Variants in CYP2C19 observed in about 807,000 individuals in gnomAD.
CYP2C19 encodes the protein cytochrome P450 family 2 subfamily C member 19, also known as cytochrome P450 2C19.
CYP2C19 carries 59 observed loss-of-function variants against 40.9 expected under a neutral mutation model. That is an observed-to-expected ratio of 1.44 (90% confidence interval 1.17 to 1.79). CYP2C19 has a LOEUF of 1.79. Among genes scored for constraint, CYP2C19 ranks in the 40% most tolerant of loss-of-function variants. The probability of loss-of-function intolerance (pLI) is 0.00; values close to 1 mark genes in which losing one functional copy is unlikely to be tolerated. For missense variants in CYP2C19, 754 were observed against 596.9 expected (o/e 1.26, Z -2.74); for synonymous variants, 253 against 208.7 (o/e 1.21, Z -1.83).
At chr10:94,766,873 C>G (rs1848252527) in intron 1 of CYP2C19, among the ~76,000 whole-genome samples, 1 of 151,914 alleles carries the variant, frequency 6.6e-6, no homozygotes, top group South Asian at 2.1e-4. Flanking sequence ...GAGAGGATTA[C>G]CGAGTATGGT....
chr10:94,774,947 G>T, intron 1 of CYP2C19, 111 bp from the exon 2 acceptor site: 1 of 1,147,772 alleles, frequency 8.7e-7, no homozygotes, highest in Admixed American at 2.5e-5. Context: ...ATTTGAGCCT[G>T]TGTGACTGAA....
intron 6 of CYP2C19, among the ~76,000 whole-genome samples, chr10:94,827,741 T>C (rs1849253659): frequency 6.6e-6 from 1 of 152,216 alleles, no homozygotes; most frequent in African/African-American, 2.4e-5. Context: ...TTCTAGTTCT[T>C]TTAATTGTGA....
intron 1 of CYP2C19, among the ~76,000 whole-genome samples, chr10:94,770,054 T>G (rs569694302): frequency 5.3e-5 from 8 of 152,264 alleles, no homozygotes; most frequent in African/African-American, 1.9e-4. Flanking sequence ...TAACGGACCT[T>G]GAGGACCGTC....
intron 7 of CYP2C19, among the ~76,000 whole-genome samples, chr10:94,845,952 T>G (rs193013724): frequency 6.6e-6 from 1 of 152,126 alleles, no homozygotes. Context: ...TCTATCCATC[T>G]ATCTAGACCT....
At chr10:94,820,193 C>A (rs1346250503) in intron 5 of CYP2C19, among the ~76,000 whole-genome samples, 1 of 151,908 alleles carries the variant, frequency 6.6e-6, no homozygotes, top group Admixed American at 6.6e-5. Flanking sequence ...TTCAACAACC[C>A]TTCATGCTAA....
chr10:94,838,119 A>G (rs1383217440), intron 6 of CYP2C19, among the ~76,000 whole-genome samples: 5 of 152,084 alleles, frequency 3.3e-5, no homozygotes, highest in Non-Finnish European at 7.4e-5. Context: ...GTTATAGTGG[A>G]CATCATTGAA....
intron 5 of CYP2C19, among the ~76,000 whole-genome samples, chr10:94,793,535 T>A (rs1848640041): frequency 6.6e-6 from 1 of 152,136 alleles, no homozygotes; most frequent in African/African-American, 2.4e-5. Flanking sequence ...CAGATGGTGT[T>A]TTGGTCTGGG....
chr10:94,828,117 G>A (rs1285147115), intron 6 of CYP2C19, among the ~76,000 whole-genome samples: 2 of 152,112 alleles, frequency 1.3e-5, no homozygotes, highest in Non-Finnish European at 2.9e-5. Flanking sequence ...GTGTGGTGTG[G>A]TGCTGAAAAA....
intron 6 of CYP2C19, among the ~76,000 whole-genome samples, chr10:94,829,842 G>A (rs1383295954): frequency 2.0e-5 from 3 of 151,772 alleles, no homozygotes; most frequent in African/African-American, 7.3e-5. Flanking sequence ...TGGTGTGGAT[G>A]TCCTTTCTGT....
chr10:94,829,791 T>A (rs919874965), intron 6 of CYP2C19, among the ~76,000 whole-genome samples: 53 of 151,592 alleles, frequency 3.5e-4, no homozygotes, highest in African/African-American at 1.3e-3. Context: ...TGGTTTTATC[T>A]ACTTTTGGTC....
intron 1 of CYP2C19, among the ~76,000 whole-genome samples, chr10:94,764,685 G>C (rs1848217148): frequency 6.6e-6 from 1 of 152,116 alleles, no homozygotes; most frequent in South Asian, 2.1e-4. Context: ...GGTCAGTCCA[G>C]GTGTCCTTGG....
intron 6 of CYP2C19, among the ~76,000 whole-genome samples, chr10:94,841,617 G>A (rs1036337761): frequency 6.6e-6 from 1 of 152,170 alleles, no homozygotes; most frequent in Admixed American, 6.5e-5. Context: ...CATTTTTGAT[G>A]TAAGCTCTTA....
rs144182307 is a variant in CYP2C19, at chr10:94,803,638, T to A, written c.820-16858T>A. On this transcript the variant is annotated intron_variant, in intron 5 of 8. Transcript: ENST00000371321. Reference sequence around the variant, plus strand: ...CTGAGAAATAATCCAGTGGGCAGACTTGAAGCCCCCAGGGTTGTGCTAGCC... The same window carrying A: ...CTGAGAAATAATCCAGTGGGCAGACATGAAGCCCCCAGGGTTGTGCTAGCC... 3.1e-3 allele frequency among the ~76,000 whole-genome samples: 475 copies of A among 152,290 alleles called. 3 individuals carry two copies. Among genetic ancestry groups the A allele is most frequent in the African/African-American group, 0.011 (452 of 41,556 alleles).
intron 5 of CYP2C19, among the ~76,000 whole-genome samples, chr10:94,782,836 A>C (rs1172106440): frequency 6.6e-6 from 1 of 152,100 alleles, no homozygotes; most frequent in Non-Finnish European, 1.5e-5. Flanking sequence ...GGAAGCCCCC[A>C]CTCTCAGTAA....
chr10:94,785,876 G>C (rs1388741212), intron 5 of CYP2C19, among the ~76,000 whole-genome samples: 1 of 152,064 alleles, frequency 6.6e-6, no homozygotes, highest in African/African-American at 2.4e-5. Flanking sequence ...ACAAGATGGC[G>C]CTGGTCAAGT....
chr10:94,775,319 T>C (rs1013742882), intron 2 of CYP2C19, 71 bp from the exon 3 acceptor site: 1 of 1,612,296 alleles, frequency 6.2e-7, no homozygotes, highest in African/African-American at 1.3e-5. Flanking sequence ...CCCATCCACA[T>C]GGCTGCCCAG....
chr10:94,838,387 C>A (rs2134283277), intron 6 of CYP2C19, among the ~76,000 whole-genome samples: 1 of 152,282 alleles, frequency 6.6e-6, no homozygotes, highest in Non-Finnish European at 1.5e-5. Flanking sequence ...TCTGATTTAG[C>A]AGTAACATTG....
intron 5 of CYP2C19, among the ~76,000 whole-genome samples, chr10:94,793,902 T>C (rs1848644895): frequency 6.6e-6 from 1 of 152,174 alleles, no homozygotes; most frequent in South Asian, 2.1e-4. Flanking sequence ...GATAGGGACG[T>C]TTAAGTCTGC....
chr10:94,791,949 T>C (rs932699988), intron 5 of CYP2C19, among the ~76,000 whole-genome samples: 2 of 152,136 alleles, frequency 1.3e-5, no homozygotes, highest in Admixed American at 1.3e-4. Flanking sequence ...ATCTGTCAAA[T>C]GTTGACAGTG....
Sources: gnomAD v4.1 joint callset for allele counts (sites outside exome capture counted in the v4.1 genomes callset) on GRCh38, gnomAD v4.1.1 for gene constraint, MANE v1.5 for transcripts, NCBI Gene and HGNC (gene_info 2026-07-23, HGNC 2026-07-21) for gene names.